The following NPAS3 variants were observed in gnomAD, a reference collection of about 807,000 sequenced individuals.
The protein encoded by NPAS3 is neuronal PAS domain-containing protein 3.
NPAS3 carries 14 observed loss-of-function variants against 73.1 expected under a neutral mutation model. The observed-to-expected ratio is 0.19, with a 90% CI of 0.13 to 0.30. The LOEUF is 0.30. NPAS3 is among the 10% of genes least tolerant of loss of function. NPAS3 has a pLI of 1.00. For missense variants in NPAS3, 1,096 were observed against 1,250.0 expected, an observed-to-expected ratio of 0.88 and a Z score of 1.86; for synonymous variants, 620 against 541.5, an observed-to-expected ratio of 1.14 and a Z score of -2.01.
chr14:33,684,771 T>C (rs2060041111), intron 6 of NPAS3, among the ~76,000 whole-genome samples: 1 of 152,342 alleles, frequency 6.6e-6, no homozygotes, highest in African/African-American at 2.4e-5. Context: ...CTCTGCTCTG[T>C]GTCGGCCAAC....
intron 2 of NPAS3, among the ~76,000 whole-genome samples, chr14:33,134,401 C>T (rs1333702031): frequency 6.6e-6 from 1 of 152,118 alleles, no homozygotes; most frequent in Non-Finnish European, 1.5e-5. Flanking sequence ...GAATTTTCAT[C>T]CTTAAACACT....
At chr14:33,754,093 T>C (rs1354972410) in intron 7 of NPAS3, among the ~76,000 whole-genome samples, 1 of 152,010 alleles carries the variant, frequency 6.6e-6, no homozygotes, top group African/African-American at 2.4e-5. Context: ...CTCTTGGAGG[T>C]GCCCCGCGAC....
At chr14:33,645,708 C>G (rs2058810777) in intron 5 of NPAS3, among the ~76,000 whole-genome samples, 2 of 152,326 alleles carry the variant, frequency 1.3e-5, no homozygotes, top group Admixed American at 6.5e-5. Flanking sequence ...CAAGGACTCT[C>G]TCTGTCACAG....
chr14:33,267,018 A>T (rs2040850240), intron 3 of NPAS3, among the ~76,000 whole-genome samples: 1 of 152,192 alleles, frequency 6.6e-6, no homozygotes, highest in South Asian at 2.1e-4. Context: ...GGTAATTGCC[A>T]GCTTGACATT....
intron 4 of NPAS3, among the ~76,000 whole-genome samples, chr14:33,411,733 G>C (rs1594859760): frequency 1.3e-5 from 2 of 151,806 alleles, no homozygotes; most frequent in East Asian, 3.9e-4. Flanking sequence ...CCTCTTCTTT[G>C]ACTTTGTTCC....
chr14:33,349,414 G>A (rs1429891271), intron 3 of NPAS3, among the ~76,000 whole-genome samples: 2 of 152,116 alleles, frequency 1.3e-5, no homozygotes, highest in Non-Finnish European at 2.9e-5. Flanking sequence ...TTCCAGACCT[G>A]GTTGACCGTA....
intron 7 of NPAS3, among the ~76,000 whole-genome samples, chr14:33,742,727 A>T (rs2061686583): frequency 6.6e-6 from 1 of 152,232 alleles, no homozygotes; most frequent in South Asian, 2.1e-4. Context: ...ACATGCAATG[A>T]TGTTTGATAA....
At chr14:32,962,872 TTTTC>T (rs892148558) in intron 1 of NPAS3, among the ~76,000 whole-genome samples, 6 of 150,634 alleles carry the variant, frequency 4.0e-5, no homozygotes, top group Non-Finnish European at 7.4e-5. Context: ...CAGGGGTAGT[TTTTC>T]TTTCTTTTTT....
rs535943471 is a variant in NPAS3 at position 33,266,687 on chromosome 14, A to G, written c.385+51261A>G. 3.7e-4 allele frequency among the ~76,000 whole-genome samples: 56 copies of G among 152,294 alleles called. No individual in the cohort carries two copies. The East Asian group carries it at 8.9e-3, about 24-fold the overall frequency. On this transcript the variant is annotated intron_variant, in intron 3 of 11. Coordinates refer to ENST00000356141, the Ensembl canonical transcript of NPAS3. ...TGGATCAAGGTCATTCAGCTAATGC[A>G]TGGCCAATATAGGTCTTGACCCTTT...
chr14:33,218,662 T>C (rs1404718199), intron 3 of NPAS3, among the ~76,000 whole-genome samples: 1 of 152,174 alleles, frequency 6.6e-6, no homozygotes, highest in Non-Finnish European at 1.5e-5. Flanking sequence ...TGGCAATTCG[T>C]ATGAAATGTA....
At chr14:33,309,939 T>G (rs908032090) in intron 3 of NPAS3, among the ~76,000 whole-genome samples, 1 of 152,250 alleles carries the variant, frequency 6.6e-6, no homozygotes, top group South Asian at 2.1e-4. Context: ...GCACCCATAC[T>G]TCCTGCTGGA....
chr14:33,254,071 T>G (rs1056862694), intron 3 of NPAS3, among the ~76,000 whole-genome samples: 2 of 152,078 alleles, frequency 1.3e-5, no homozygotes, highest in African/African-American at 4.8e-5. Flanking sequence ...CCTCTCTGCT[T>G]TACTTAAACC....
At position 33,663,985 on chromosome 14, in the gene NPAS3, A is replaced by C. The variant is rs538559765; in HGVS notation, c.559-12226A>C. Reference sequence around the variant, plus strand: ...ATTTCGTTAATCTTTTCAAAAAAAAAAACAGCTCCTGGATTCATTGATTTT... The same window carrying C: ...ATTTCGTTAATCTTTTCAAAAAAAACAACAGCTCCTGGATTCATTGATTTT... On this transcript the variant is annotated intron_variant, in intron 5 of 11. Transcript: ENST00000356141. 2.6e-5 allele frequency among the ~76,000 whole-genome samples: 4 copies of C among 152,116 alleles called. No individual in the cohort carries two copies. The South Asian group carries it at 8.3e-4, about 32-fold the overall frequency.
upstream of NPAS3, chr14:32,939,298 G>GA (rs534822496): frequency 2.4e-4 from 174 of 730,900 alleles, 1 homozygote; most frequent in Middle Eastern, 1.3e-3. Flanking sequence ...AGTAAGAGAG[G>GA]AAAAAAAATA....
At chr14:33,640,910 C>T (rs2058658770) in intron 5 of NPAS3, among the ~76,000 whole-genome samples, 1 of 152,168 alleles carries the variant, frequency 6.6e-6, no homozygotes, top group Admixed American at 6.5e-5. Flanking sequence ...ATTATAGGTA[C>T]TGCATGATCC....
intron 6 of NPAS3, among the ~76,000 whole-genome samples, chr14:33,695,618 A>T (rs2060355622): frequency 6.6e-6 from 1 of 152,204 alleles, no homozygotes; most frequent in South Asian, 2.1e-4. Flanking sequence ...ATAGTTCAAT[A>T]TTTTTAATTC....
chr14:32,998,229 G>A (rs2038663962), intron 1 of NPAS3, among the ~76,000 whole-genome samples: 1 of 152,218 alleles, frequency 6.6e-6, no homozygotes, highest in Admixed American at 6.5e-5. Context: ...ACATGTACCA[G>A]TGTGGATGAA....
chr14:32,938,517 G>GAT (rs1314096102), upstream of NPAS3, among the ~76,000 whole-genome samples: 1 of 123,834 alleles, frequency 8.1e-6, no homozygotes, highest in Non-Finnish European at 1.8e-5. Flanking sequence ...GAGAGAGAGA[G>GAT]AGAGAGAAGG....
Position 32,990,531 on chromosome 14 carries a change from G to A in NPAS3, c.50+51165G>A, listed in dbSNP as rs114063992. 2.4e-3 allele frequency among the ~76,000 whole-genome samples: 360 copies of A among 152,120 alleles called. 3 individuals carry two copies. The highest frequency in any genetic ancestry group is 0.014 in the South Asian group (69 of 4,826). On this transcript the variant is annotated intron_variant, in intron 1 of 11. Coordinates refer to ENST00000356141, the Ensembl canonical transcript of NPAS3. ...ATTGCCCATTTTTTTGAATGTTTTAGTAATAATGGAAGGCTACCAGTGGGC... is the reference window on the plus strand; with the variant it reads ...ATTGCCCATTTTTTTGAATGTTTTAATAATAATGGAAGGCTACCAGTGGGC...
Sources: allele counts gnomAD v4.1 joint callset (sites outside exome capture counted in the v4.1 genomes callset), GRCh38; gene constraint gnomAD v4.1.1; transcripts MANE v1.5; gene names NCBI Gene and HGNC (gene_info 2026-07-23, HGNC 2026-07-21).